The following ZNF273 variants were observed in gnomAD, a reference collection of about 807,000 sequenced individuals.
The protein encoded by ZNF273 is zinc finger protein 273.
Under a neutral mutation model 14.9 loss-of-function variants are expected in ZNF273, and 11 were observed. The ratio of observed to expected loss-of-function variants is 0.74; its 90% confidence interval spans 0.46 to 1.22. The LOEUF (loss-of-function observed/expected upper bound fraction) is 1.22, where lower values mean the gene tolerates loss of function less well. Ranked by LOEUF, ZNF273 falls within the 50% of genes most tolerant of loss-of-function variation. The pLI is 0.00. For synonymous variants in ZNF273, 199 were observed against 223.9 expected (o/e 0.89, Z 0.99); for missense variants, 577 against 660.6 (o/e 0.87, Z 1.39).
chr7:64,927,394 A>T (rs1039139556), intron 3 of ZNF273, among the ~76,000 whole-genome samples: 1 of 149,550 alleles, frequency 6.7e-6, no homozygotes, highest in African/African-American at 2.5e-5. Context: ...GACCTGCAAT[A>T]GACTTTTCCT....
At chr7:64,914,619 A>G (rs1793822007) in intron 1 of ZNF273, among the ~76,000 whole-genome samples, 1 of 152,208 alleles carries the variant, frequency 6.6e-6, no homozygotes, top group African/African-American at 2.4e-5. Flanking sequence ...CCATTACTGT[A>G]GCAGAAATTG....
chr7:64,889,191 C>A, downstream of ZNF273: 15 of 985,856 alleles, frequency 1.5e-5, no homozygotes, highest in Non-Finnish European at 1.8e-5. This position sits in a 1 kb window ranked among gnomAD's most constrained non-coding sequence, Gnocchi z 4.2. Flanking sequence ...GCAGCCCCTG[C>A]AGTCATGGGG....
At chr7:64,898,478 C>CT (rs1332109537), upstream of ZNF273, among the ~76,000 whole-genome samples, 2 of 152,276 alleles carry the variant, frequency 1.3e-5, no homozygotes, top group East Asian at 3.9e-4. Context: ...GCTAAGAAGA[C>CT]TTTGTCTCAT....
chr7:64,893,337 C>T (rs146441962), downstream of ZNF273: 46 of 152,302 alleles, frequency 3.0e-4, no homozygotes, highest in African/African-American at 9.9e-4. Flanking sequence ...TGAACACAAT[C>T]TATCATGAAC....
At chr7:64,934,547 T>G (rs187393325), downstream of ZNF273, among the ~76,000 whole-genome samples, 1 of 152,302 alleles carries the variant, frequency 6.6e-6, no homozygotes, top group Admixed American at 6.5e-5. Flanking sequence ...ATAATTTTCT[T>G]AGCACCATTT....
At chr7:64,898,321 G>A (rs536745552), upstream of ZNF273, among the ~76,000 whole-genome samples, 9 of 152,278 alleles carry the variant, frequency 5.9e-5, no homozygotes, top group African/African-American at 1.7e-4. Context: ...AGGAAAGCAC[G>A]TGTTGTTATT....
At chr7:64,926,834 T>C (rs1794788785) in intron 3 of ZNF273, among the ~76,000 whole-genome samples, 1 of 152,198 alleles carries the variant, frequency 6.6e-6, no homozygotes, top group African/African-American at 2.4e-5. Context: ...TAAAGGAGTT[T>C]GTTCATGTTT....
downstream of ZNF273, chr7:64,889,047 C>G (rs969628312): frequency 3.0e-6 from 3 of 985,862 alleles, no homozygotes; most frequent in African/African-American, 5.2e-5. The surrounding 1 kb of genome is among the most constrained non-coding windows in gnomAD (Gnocchi z 4.2). Context: ...AAGCAGGAAG[C>G]GAAGAACGTT....
At chr7:64,932,789 G>A (rs911699799), downstream of ZNF273, among the ~76,000 whole-genome samples, 7 of 152,038 alleles carry the variant, frequency 4.6e-5, no homozygotes, top group South Asian at 2.1e-4. Flanking sequence ...AGCTGTGGTC[G>A]TGTGCATCTG....
At chr7:64,933,701 C>T (rs1309326509), downstream of ZNF273, 2 of 152,290 alleles carry the variant, frequency 1.3e-5, no homozygotes, top group East Asian at 3.9e-4. Context: ...GTTTATGAAA[C>T]AGACACAGTA....
At position 64,888,206 on chromosome 7, in the gene ZNF273, T is replaced by C. The variant is rs1369040677; in HGVS notation, n.274-367T>C. The C allele has an allele frequency of 9.1e-6, 7 of 765,248 alleles. No homozygotes were observed. In the Admixed American group the frequency reaches 4.4e-4, roughly 48 times the overall value. 47.4% of individuals were successfully genotyped at this position (765,248 alleles called of 1,614,324 possible). On this transcript the variant is annotated intron_variant and non_coding_transcript_variant, in intron 1 of 1. Coordinates refer to the ZNF273 transcript ENST00000471926. Reference sequence around the variant, plus strand: ...TCATTTCACCCCATTCCCTGAAGCCTGGCTGCTGCTGCTGCTGCCCCACCC... The same window carrying C: ...TCATTTCACCCCATTCCCTGAAGCCCGGCTGCTGCTGCTGCTGCCCCACCC...
At chr7:64,922,359 C>T (rs910905068) in intron 3 of ZNF273, among the ~76,000 whole-genome samples, 1 of 151,510 alleles carries the variant, frequency 6.6e-6, no homozygotes, top group Admixed American at 6.6e-5. Flanking sequence ...GACAGAGTCT[C>T]CCTCTGTCAC....
chr7:64,891,519 G>A (rs367788144), downstream of ZNF273, among the ~76,000 whole-genome samples: 33 of 152,276 alleles, frequency 2.2e-4, no homozygotes, highest in East Asian at 6.0e-3. Context: ...TTCCAAACTG[G>A]TCCAAGGATC....
chr7:64,888,413 A>AC, intron 1 of ZNF273: 1 of 985,760 alleles, frequency 1.0e-6, no homozygotes, highest in East Asian at 1.1e-4. Flanking sequence ...GAAGCAGGTG[A>AC]CACGGGGCTG....
chr7:64,884,359 T>C (rs907017882), downstream of ZNF273, among the ~76,000 whole-genome samples: 4 of 152,184 alleles, frequency 2.6e-5, no homozygotes, highest in Non-Finnish European at 5.9e-5. Context: ...TTTGAGCCTT[T>C]ATTTCCCTTT....
At chr7:64,916,369 GTAAAAAAAA>G (rs1474871305) in intron 1 of ZNF273, among the ~76,000 whole-genome samples, 1 of 135,136 alleles carries the variant, frequency 7.4e-6, no homozygotes, top group Admixed American at 7.6e-5. Flanking sequence ...TACTAAAAAT[GTAAAAAAAA>G]AAAAAAAAAA....
exon 2 of ZNF273, chr7:64,888,749 C>T: frequency 1.0e-6 from 1 of 985,820 alleles, no homozygotes; most frequent in Non-Finnish European, 1.2e-6. Context: ...CCCAGCCCCG[C>T]AGAGCCGGAT....
upstream of ZNF273, among the ~76,000 whole-genome samples, chr7:64,902,446 G>C (rs1017516316): frequency 6.6e-6 from 1 of 151,894 alleles, no homozygotes; most frequent in East Asian, 1.9e-4. Context: ...AGTTTATTCT[G>C]AGGCCAGGCG....
At chr7:64,881,019 G>A (rs917261887), downstream of ZNF273, among the ~76,000 whole-genome samples, 4 of 152,258 alleles carry the variant, frequency 2.6e-5, no homozygotes, top group South Asian at 6.2e-4. Context: ...ATGGGGTCCC[G>A]CACCTTCATC....
Sources: gnomAD v4.1 joint callset for allele counts (sites outside exome capture counted in the v4.1 genomes callset) on GRCh38, gnomAD v4.1.1 for gene constraint, Gnocchi (gnomAD v3.1) non-coding constraint, MANE v1.5 for transcripts, NCBI Gene and HGNC (gene_info 2026-07-23, HGNC 2026-07-21) for gene names.